The following NMI variants were observed in gnomAD, a reference collection of about 807,000 sequenced individuals.
The protein encoded by NMI is N-myc and STAT interactor, also known as N-myc-interactor.
In NMI, 39 loss-of-function variants were observed where a neutral mutation model predicts 34.3. That is an observed-to-expected ratio of 1.14 (90% CI 0.88 to 1.49). NMI has a LOEUF of 1.49. Ranked by LOEUF, NMI falls within the 40% of genes most tolerant of loss-of-function variation. The probability of loss-of-function intolerance (pLI) is 0.00; values close to 1 mark genes in which losing one functional copy is unlikely to be tolerated. For missense variants in NMI, 339 were observed against 358.1 expected (o/e 0.95, Z 0.43); for synonymous variants, 113 against 120.3 (o/e 0.94, Z 0.40).
At chr2:151,276,270 T>C (rs149556114) in intron 4 of NMI, among the ~76,000 whole-genome samples, 7 of 152,244 alleles carry the variant, frequency 4.6e-5, no homozygotes, top group African/African-American at 1.7e-4. Flanking sequence ...CCCAGGCTGC[T>C]CTGGAACTCC....
intron 3 of NMI, among the ~76,000 whole-genome samples, chr2:151,281,717 T>C (rs1438278812): frequency 1.3e-5 from 2 of 152,240 alleles, no homozygotes; most frequent in Non-Finnish European, 2.9e-5. Context: ...GTCATTATGA[T>C]CTGTTCATTC....
chr2:151,270,894 T>C lies in NMI; in HGVS notation c.742-19A>G. 1.3e-6 allele frequency: 2 copies of C among 1,577,272 alleles called. No homozygotes were observed. Among genetic ancestry groups the C allele is most frequent in the Non-Finnish European group, 1.7e-6 (2 of 1,152,506 alleles). On this transcript the variant is annotated intron_variant, in intron 7 of 7. Transcript: ENST00000243346. ...AAAATATCTAAGAAGGAAAAAATGATAAATAGAAAGATTTCTAAGAGCTTT... is the reference window on the plus strand; with the variant it reads ...AAAATATCTAAGAAGGAAAAAATGACAAATAGAAAGATTTCTAAGAGCTTT...
chr2:151,278,887 G>A lies in NMI; in HGVS notation c.281C>T (p.Ser94Leu), dbSNP rs773982381. The change falls in exon 4 of 8, where the codon TCG (serine) becomes TTG (leucine). Residue 94 changes from serine (S) to leucine (L), a missense_variant. Coordinates refer to ENST00000243346, the MANE Select transcript of NMI (RefSeq NM_004688.3). ...SNISCSFQVS[S>L]KVPYEIQKGQ... ...TTTTTGTATCTCATAAGGAACTTTC[G>A]AGCTCACTTGAAACGAACAGGAGAT... 1.5e-5 allele frequency: 25 copies of A among 1,613,174 alleles called. No homozygotes were observed. The highest frequency in any genetic ancestry group is 8.0e-5 in the African/African-American group (6 of 74,874).
In NMI at chr2:151,280,080, G is replaced by A. The variant is rs189953602; in HGVS notation, c.178-1090C>T. On this transcript the variant is annotated intron_variant, in intron 3 of 7. Transcript: ENST00000243346. ...CGTGGTGGCAAACGCCTGTAATCCT[G>A]GCTATTCAGGAGGCTGAGGCAGGAG... is the stretch of plus-strand genomic sequence containing the variant. Among the ~76,000 whole-genome samples, 18 of 151,926 alleles carry A rather than the reference G, an allele frequency of 1.2e-4. No individual in the cohort carries two copies. In the East Asian group the frequency reaches 2.7e-3, roughly 23 times the overall value.
intron 3 of NMI, among the ~76,000 whole-genome samples, chr2:151,281,130 G>A (rs1022179609): frequency 2.0e-5 from 3 of 151,964 alleles, no homozygotes; most frequent in South Asian, 4.1e-4. Context: ...GAGCCACCGC[G>A]CCCAGCCTCA....
chr2:151,276,780 C>CT (rs962531174), intron 4 of NMI, among the ~76,000 whole-genome samples: 10 of 151,976 alleles, frequency 6.6e-5, no homozygotes, highest in Admixed American at 2.0e-4. Flanking sequence ...AAGAGTGAGT[C>CT]TTTTTTTTGG....
In NMI at chr2:151,282,892, T is replaced by C; in HGVS notation, c.57A>G (p.Glu19=). 1 of 1,523,998 alleles carries C rather than the reference T, an allele frequency of 6.6e-7. No individual in the cohort carries two copies. Among genetic ancestry groups the C allele is most frequent in the Non-Finnish European group, 8.9e-7 (1 of 1,126,076 alleles). The allele number at this position is 1,523,998 out of a possible 1,614,324, so 94.4% of individuals were successfully genotyped here. ...CCTTATTTTGTTCATCTTTTATAAA[T>C]TCATCTGGCGAATGCTCCTTAAGAA... ...QQILKEHSPD[E]FIKDEQNKGL... is the part of the protein sequence containing the mutation. The change falls in exon 2 of 8, where the codon GAA becomes GAG. Residue 19 remains glutamate, a synonymous_variant. Coordinates refer to ENST00000243346, the MANE Select transcript of NMI (RefSeq NM_004688.3).
chr2:151,284,167 C>G (rs1369883154), intron 1 of NMI, among the ~76,000 whole-genome samples: 1 of 152,098 alleles, frequency 6.6e-6, no homozygotes, highest in Non-Finnish European at 1.5e-5. Context: ...ACCAGCCTGG[C>G]CAACATGGTG....
intron 7 of NMI, 128 bp downstream of exon 7, chr2:151,271,498 A>C: frequency 1.5e-6 from 1 of 670,110 alleles, no homozygotes. Flanking sequence ...GCAAAAATGA[A>C]GTAAAGAAAC....
chr2:151,276,128 C>T (rs1683290223), intron 4 of NMI, among the ~76,000 whole-genome samples: 2 of 152,128 alleles, frequency 1.3e-5, no homozygotes, highest in African/African-American at 4.8e-5. Context: ...TCATAGCTCA[C>T]TGTAACCTCA....
chr2:151,280,446 C>T (rs527756638), intron 3 of NMI, among the ~76,000 whole-genome samples: 70 of 152,282 alleles, frequency 4.6e-4, no homozygotes, highest in African/African-American at 1.6e-3. Flanking sequence ...CTTCTGATTA[C>T]GGTAAGGCTG....
At chr2:151,283,140 CT>C (rs55744578) in intron 1 of NMI, among the ~76,000 whole-genome samples, 186 bp from the exon 2 acceptor site, 24,495 of 149,612 alleles carry the variant, frequency 0.16, 2,472 homozygotes, top group African/African-American at 0.28. Flanking sequence ...TTAATAACTC[CT>C]TTTTTTTTTC....
intron 7 of NMI, 37 bp downstream of exon 7, chr2:151,271,589 G>T: frequency 1.9e-6 from 2 of 1,079,176 alleles, no homozygotes; most frequent in Non-Finnish European, 2.9e-6. Flanking sequence ...GGTTTGGGCA[G>T]TGAGTTCTGA....
intron 2 of NMI, 110 bp from the exon 3 acceptor site, chr2:151,282,153 A>AC: frequency 1.6e-6 from 1 of 611,874 alleles, no homozygotes; most frequent in Non-Finnish European, 2.9e-6. Flanking sequence ...AAGACATTAG[A>AC]CAGTCTCAGA....
chr2:151,270,612 TAAGGAAAAG>T lies in NMI; in HGVS notation c.*72_*80del. 8.6e-7 allele frequency: 1 copy of T among 1,168,876 alleles called. No individual in the cohort carries two copies. Among genetic ancestry groups the T allele is most frequent in the Non-Finnish European group, 1.2e-6 (1 of 826,898 alleles). The allele number at this position is 1,168,876 out of a possible 1,614,324, so 72.4% of individuals were successfully genotyped here. A position where few individuals can be genotyped will look rare whatever the true frequency, so the allele number is the denominator to read the frequency against. On this transcript the variant is annotated 3_prime_UTR_variant, in exon 8 of 8. Transcript: ENST00000243346. ...GGTAAAAATTAAAGTTTTCATTTTT[TAAGGAAAAG>T]CATATTCATTTTTGTCAAACATTTA...
chr2:151,277,621 A>C (rs1683313020), intron 4 of NMI: 1 of 152,164 alleles, frequency 6.6e-6, no homozygotes, highest in Non-Finnish European at 1.5e-5. Context: ...TTATATCCCG[A>C]TTACCAGTCG....
At chr2:151,277,803 A>G (rs954134466) in intron 4 of NMI, 1 of 152,152 alleles carries the variant, frequency 6.6e-6, no homozygotes, top group African/African-American at 2.4e-5. Context: ...TGGGTTATAG[A>G]CTGTCAGAAT....
intron 1 of NMI, among the ~76,000 whole-genome samples, chr2:151,285,270 T>C (rs538639366): frequency 6.6e-6 from 1 of 152,212 alleles, no homozygotes; most frequent in Non-Finnish European, 1.5e-5. Context: ...ATTATAAATA[T>C]GGAAATGGAG....
At chr2:151,275,380 C>A in intron 6 of NMI, 104 bp downstream of exon 6, 1 of 1,038,694 alleles carries the variant, frequency 9.6e-7, no homozygotes. Flanking sequence ...AATTATCATG[C>A]TAATACATTC....
Sources: gnomAD v4.1 joint callset for allele counts (sites outside exome capture counted in the v4.1 genomes callset) on GRCh38, gnomAD v4.1.1 for gene constraint, MANE v1.5 for transcripts, NCBI Gene and HGNC (gene_info 2026-07-23, HGNC 2026-07-21) for gene names.